The following CMTM4 variants were observed in gnomAD, a reference collection of about 807,000 sequenced individuals.
CMTM4 encodes the protein CKLF like MARVEL transmembrane domain containing 4.
In CMTM4, 8 loss-of-function variants were observed where a neutral mutation model predicts 19.0. The ratio of observed to expected loss-of-function variants is 0.42; its 90% CI spans 0.25 to 0.76. CMTM4 has a LOEUF of 0.76. Among genes scored for constraint, CMTM4 ranks in the 30% least tolerant of loss-of-function variants. CMTM4 has a pLI of 0.27. For missense variants in CMTM4, 228 were observed against 290.2 expected (o/e 0.79, Z 1.56); for synonymous variants, 106 against 121.1 (o/e 0.88, Z 0.82).
chr16:66,686,301 C>T (rs995121425), intron 1 of CMTM4, among the ~76,000 whole-genome samples: 1 of 150,028 alleles, frequency 6.7e-6, no homozygotes, highest in African/African-American at 2.5e-5. Flanking sequence ...GTGGCTCACA[C>T]CAGTAATCCC....
chr16:66,600,136 G>T, the CMTM4 span, among the ~76,000 whole-genome samples: 279 of 135,128 alleles, frequency 2.1e-3, 2 homozygotes, highest in Middle Eastern at 3.9e-3. Context: ...GTGTGTGTGT[G>T]TTTTTTTTTG....
chr16:66,655,304 G>A (rs1022470026), intron 1 of CMTM4, among the ~76,000 whole-genome samples: 2 of 151,904 alleles, frequency 1.3e-5, no homozygotes, highest in African/African-American at 2.4e-5. Context: ...AGCTATTATC[G>A]GCCAAAAAGA....
chr16:66,611,759 T>A (rs2015385325), downstream of CMTM4, among the ~76,000 whole-genome samples: 1 of 152,002 alleles, frequency 6.6e-6, no homozygotes, highest in South Asian at 2.1e-4. Flanking sequence ...AGAACTGGGA[T>A]TTCAGGAACC....
At position 66,617,287 on chromosome 16, in the gene CMTM4, T is replaced by C; in HGVS notation, c.*4771A>G. 6 of 1,614,132 alleles carry C rather than the reference T, an allele frequency of 3.7e-6. No homozygotes were observed. Among genetic ancestry groups the C allele is most frequent in the Non-Finnish European group, 4.2e-6 (5 of 1,180,002 alleles). Reference sequence around the variant, plus strand: ...ATCATCTGAACTTTTCTAGGCAAGTTGCCAGTGATTCAAACTCAGCAGGTT... The same window carrying C: ...ATCATCTGAACTTTTCTAGGCAAGTCGCCAGTGATTCAAACTCAGCAGGTT... On this transcript the variant is annotated 3_prime_UTR_variant, in exon 4 of 4. Coordinates refer to ENST00000394106, the MANE Select transcript of CMTM4 (RefSeq NM_181521.3).
At chr16:66,674,729 ATTCT>A (rs2016775298) in intron 1 of CMTM4, among the ~76,000 whole-genome samples, 1 of 111,518 alleles carries the variant, frequency 9.0e-6, no homozygotes, top group Non-Finnish European at 1.8e-5. Context: ...GGTGTTACAT[ATTCT>A]TTTTTTTTTT....
At chr16:66,652,159 G>T (rs2016322381) in intron 1 of CMTM4, among the ~76,000 whole-genome samples, 1 of 152,204 alleles carries the variant, frequency 6.6e-6, no homozygotes, top group African/African-American at 2.4e-5. Flanking sequence ...GTTCCTCATT[G>T]TTGACAAGAA....
In CMTM4 at chr16:66,634,116, AAAAAGC is replaced by A. The variant is rs542634366; in HGVS notation, c.363+2283_363+2288del. ...GGAAAATCTTTCATGATTAAAATAG[AAAAAGC>A]AGAATTCCAGAAAGCTCACTAAATA... On this transcript the variant is annotated intron_variant, in intron 2 of 3. Transcript: ENST00000394106. 7.7e-4 allele frequency among the ~76,000 whole-genome samples: 117 copies of A among 152,284 alleles called. 1 individual carries two copies. Among genetic ancestry groups the A allele is most frequent in the African/African-American group, 2.2e-3 (93 of 41,570 alleles).
chr16:66,637,073 A>C (rs1176862032), intron 1 of CMTM4, among the ~76,000 whole-genome samples: 1 of 152,206 alleles, frequency 6.6e-6, no homozygotes, highest in Non-Finnish European at 1.5e-5. Flanking sequence ...CACACAGGTT[A>C]ACTGGGACTC....
chr16:66,602,527 T>G, the CMTM4 span, among the ~76,000 whole-genome samples: 1,073 of 151,922 alleles, frequency 7.1e-3, 11 homozygotes, highest in African/African-American at 0.023. Context: ...CCAATTTGCT[T>G]CTTCTTCTTC....
intron 1 of CMTM4, among the ~76,000 whole-genome samples, chr16:66,658,059 A>C (rs1358549240): frequency 2.6e-5 from 4 of 152,104 alleles, no homozygotes; most frequent in Non-Finnish European, 4.4e-5. Context: ...CATCTCTACA[A>C]AAAATATTAA....
chr16:66,679,185 A>G (rs1175798338), intron 1 of CMTM4, among the ~76,000 whole-genome samples: 2 of 152,142 alleles, frequency 1.3e-5, no homozygotes, highest in Admixed American at 6.5e-5. Context: ...CTGTTCTAAG[A>G]AGTAAAGAAA....
rs1024573177 is a variant in CMTM4 at position 66,618,140 on chromosome 16, A to G, written c.*3918T>C. The G allele has an allele frequency of 1.0e-6, 1 of 985,502 alleles. No homozygotes were observed. Among genetic ancestry groups the G allele is most frequent in the Non-Finnish European group, 1.2e-6 (1 of 829,960 alleles). 61.0% of individuals were successfully genotyped at this position (985,502 alleles called of 1,614,324 possible). A position where few individuals can be genotyped will look rare whatever the true frequency, so the allele number is the denominator to read the frequency against. ...CTGGATTCTGCAACTTCACTAGGAA[A>G]TAACAAGGCACCTAGAGACTTCACA... is the stretch of plus-strand genomic sequence containing the variant. On this transcript the variant is annotated 3_prime_UTR_variant, in exon 4 of 4. Transcript: ENST00000394106.
downstream of CMTM4, chr16:66,614,620 A>T (rs1182496168): frequency 1.3e-5 from 2 of 152,210 alleles, no homozygotes; most frequent in Admixed American, 1.3e-4. The surrounding 1 kb of genome is among the most constrained non-coding windows in gnomAD (Gnocchi z 4.9). Context: ...AGCTGGTGTC[A>T]CAGAGGCCTT....
chr16:66,677,696 G>A (rs529969200), intron 1 of CMTM4, among the ~76,000 whole-genome samples: 79 of 152,122 alleles, frequency 5.2e-4, no homozygotes, highest in African/African-American at 1.8e-3. Flanking sequence ...CTAAGTGTAG[G>A]TGGTCAAGAT....
intron 1 of CMTM4, among the ~76,000 whole-genome samples, chr16:66,637,023 T>C (rs1005441534): frequency 1.3e-5 from 2 of 152,226 alleles, no homozygotes; most frequent in African/African-American, 4.8e-5. Context: ...GGTGTCTGAC[T>C]TGTGCCATCT....
intron 1 of CMTM4, among the ~76,000 whole-genome samples, chr16:66,657,208 CTGAG>C (rs1019523395): frequency 1.3e-5 from 2 of 151,848 alleles, no homozygotes; most frequent in African/African-American, 4.8e-5. Flanking sequence ...CCTCAGCCTC[CTGAG>C]TATCTTGGGC....
the CMTM4 span, chr16:66,609,361 C>A: frequency 7.4e-7 from 1 of 1,346,242 alleles, no homozygotes; most frequent in Non-Finnish European, 1.0e-6. This position sits in a 1 kb window ranked among gnomAD's most constrained non-coding sequence, Gnocchi z 4.4. Flanking sequence ...GGGAACACGA[C>A]CAGGCTGCCA....
At chr16:66,674,187 G>C (rs1455939212) in intron 1 of CMTM4, among the ~76,000 whole-genome samples, 1 of 152,194 alleles carries the variant, frequency 6.6e-6, no homozygotes, top group African/African-American at 2.4e-5. Context: ...GGACCCAGGG[G>C]CCACAGGCTG....
At chr16:66,625,616 T>C (rs1318277804) in intron 2 of CMTM4, among the ~76,000 whole-genome samples, 1 of 151,724 alleles carries the variant, frequency 6.6e-6, no homozygotes, top group African/African-American at 2.4e-5. Flanking sequence ...TTTAAAAAGA[T>C]AAAAAATAAT....
Sources: allele counts gnomAD v4.1 joint callset (sites outside exome capture counted in the v4.1 genomes callset), GRCh38; gene constraint gnomAD v4.1.1; non-coding constraint Gnocchi (gnomAD v3.1); transcripts MANE v1.5; gene names NCBI Gene and HGNC (gene_info 2026-07-23, HGNC 2026-07-21).